COX15: variants seen among roughly 807,000 people sequenced by gnomAD.
The protein encoded by COX15 is heme A synthase COX15.
A neutral mutation model predicts 51.9 loss-of-function variants in COX15; 51 were observed. That is an observed-to-expected ratio of 0.98 (90% CI 0.78 to 1.24). The LOEUF (loss-of-function observed/expected upper bound fraction) is 1.24. COX15 is among the 50% of genes most tolerant of loss of function. The pLI is 0.00. For synonymous variants in COX15, 188 were observed against 190.5 expected (o/e 0.99, Z 0.11); for missense variants, 420 against 501.1 (o/e 0.84, Z 1.55).
chr10:99,718,960 TTC>T (rs2036668020), intron 6 of COX15, among the ~76,000 whole-genome samples: 1 of 152,192 alleles, frequency 6.6e-6, no homozygotes, highest in Non-Finnish European at 1.5e-5. Context: ...CTAGCCCACT[TTC>T]TGTCTCCTGA....
At chr10:99,717,826 T>C (rs991264451) in intron 7 of COX15, among the ~76,000 whole-genome samples, 2 of 152,206 alleles carry the variant, frequency 1.3e-5, no homozygotes, top group African/African-American at 4.8e-5. Flanking sequence ...CTGCTCATCT[T>C]TCCCCGCTCC....
chr10:99,724,248 T>A, intron 4 of COX15, 125 bp from the exon 5 acceptor site: 2 of 1,098,444 alleles, frequency 1.8e-6, no homozygotes, highest in South Asian at 2.6e-5. Context: ...AGTGGCGGGA[T>A]CTTGGCTCAC....
chr10:99,700,802 GAATA>G, the COX15 span: 1 of 666,332 alleles, frequency 1.5e-6, no homozygotes, highest in Non-Finnish European at 2.7e-6. Context: ...GGGATGACGG[GAATA>G]AACAGGGGTA....
At chr10:99,704,496 T>A in the COX15 span, 1 of 1,614,260 alleles carries the variant, frequency 6.2e-7, no homozygotes, top group East Asian at 2.2e-5. Flanking sequence ...GGTAGCTGGT[T>A]CCGTCTCTCC....
the COX15 span, among the ~76,000 whole-genome samples, chr10:99,699,517 C>A: frequency 6.6e-6 from 1 of 152,144 alleles, no homozygotes; most frequent in South Asian, 2.1e-4. Context: ...TGAATTGTTG[C>A]GTGTCTCTAT....
In COX15 at chr10:99,713,401, C is replaced by G. The variant is rs1230381847; in HGVS notation, c.*1186G>C. The G allele has an allele frequency of 6.2e-7, 1 of 1,613,812 alleles. No homozygotes were observed. Among genetic ancestry groups the G allele is most frequent in the Non-Finnish European group, 8.5e-7 (1 of 1,179,996 alleles). On this transcript the variant is annotated 3_prime_UTR_variant, in exon 9 of 9. Coordinates refer to ENST00000016171, the MANE Select transcript of COX15 (RefSeq NM_078470.6). ...CTATTATATTAGCAATATTGGGTTG[C>G]TCCATCCTCAAATCAGATGTTTCTG...
At chr10:99,694,978 A>G in the COX15 span, among the ~76,000 whole-genome samples, 1,189 of 152,340 alleles carry the variant, frequency 7.8e-3, 9 homozygotes, top group Middle Eastern at 0.027. Flanking sequence ...TACATAACAC[A>G]TTAGAATGGT....
the COX15 span, chr10:99,695,852 A>T: frequency 1.9e-6 from 2 of 1,063,812 alleles, no homozygotes; most frequent in Non-Finnish European, 2.7e-6. Context: ...AAGATGTTTT[A>T]AAGAGTAGTC....
Position 99,712,083 on chromosome 10 carries a change from TG to T in COX15, c.*2503del. 1 of 348,162 alleles carries T rather than the reference TG, an allele frequency of 2.9e-6. No individual in the cohort carries two copies. The highest frequency in any genetic ancestry group is 4.0e-6 in the Non-Finnish European group (1 of 247,800). 21.6% of individuals were successfully genotyped at this position (348,162 alleles called of 1,614,324 possible). A position where few individuals can be genotyped will look rare whatever the true frequency, so the allele number is the denominator to read the frequency against. On this transcript the variant is annotated 3_prime_UTR_variant, in exon 9 of 9. Transcript: ENST00000016171. ...CAGAGTGAGAACTCACTCATTACTA[TG>T]GGGATGGCACAAAGTCATACATAAG...
the COX15 span, chr10:99,696,156 A>G: frequency 6.2e-7 from 1 of 1,607,672 alleles, no homozygotes; most frequent in Non-Finnish European, 8.5e-7. Context: ...TTTCTGAAAT[A>G]TAATGTCAGG....
the COX15 span, chr10:99,696,040 A>G: frequency 6.2e-7 from 1 of 1,614,190 alleles, no homozygotes; most frequent in Non-Finnish European, 8.5e-7. Flanking sequence ...GGTTTATGTC[A>G]CAACTTTTCT....
intron 4 of COX15, among the ~76,000 whole-genome samples, chr10:99,725,771 G>C (rs1809469438): frequency 6.6e-6 from 1 of 152,128 alleles, no homozygotes. Flanking sequence ...TGTTGGCCAG[G>C]CTGGTCTGGA....
intron 4 of COX15, 132 bp downstream of exon 4, chr10:99,726,835 GA>G: frequency 1.2e-6 from 1 of 851,766 alleles, no homozygotes; most frequent in Non-Finnish European, 1.8e-6. Context: ...GCAGTGAGCC[GA>G]GATCACGCGC....
At chr10:99,699,506 T>C in the COX15 span, among the ~76,000 whole-genome samples, 1 of 152,324 alleles carries the variant, frequency 6.6e-6, no homozygotes, top group East Asian at 1.9e-4. Context: ...GGCCATCTCT[T>C]TGAATTGTTG....
At position 99,714,318 on chromosome 10, in the gene COX15, T is replaced by TA. The variant is rs1419087202; in HGVS notation, c.*268dup. The TA allele has an allele frequency of 3.2e-6, 4 of 1,243,570 alleles. No homozygotes were observed. The African/African-American group carries it at 6.2e-5, about 19-fold the overall frequency. The allele number at this position is 1,243,570 out of a possible 1,614,324, so 77.0% of individuals were successfully genotyped here. On this transcript the variant is annotated 3_prime_UTR_variant, in exon 9 of 9. Coordinates refer to ENST00000016171, the MANE Select transcript of COX15 (RefSeq NM_078470.6). ...CTGAAAAACCTGACACAAAGCCTGT[T>TA]AAGCAGCAAATGGCAGACATTTCTT...
At chr10:99,698,173 T>G in the COX15 span, among the ~76,000 whole-genome samples, 1 of 152,204 alleles carries the variant, frequency 6.6e-6, no homozygotes, top group Non-Finnish European at 1.5e-5. Context: ...CTACCAGTTG[T>G]ATTTTTAAAC....
intron 5 of COX15, 146 bp downstream of exon 5, chr10:99,723,810 A>C: frequency 1.2e-6 from 1 of 855,782 alleles, no homozygotes; most frequent in South Asian, 1.5e-5. Context: ...CTCCCACTCT[A>C]TTTTTCAATT....
At chr10:99,702,570 C>G in the COX15 span, 7 of 1,612,704 alleles carry the variant, frequency 4.3e-6, no homozygotes, top group Admixed American at 1.2e-4. Context: ...ATTCCACTTT[C>G]CCTATGACTA....
In COX15 at chr10:99,727,122, T is replaced by C; in HGVS notation, c.428A>G (p.Lys143Arg). 1.2e-6 allele frequency: 2 copies of C among 1,614,226 alleles called. No individual in the cohort carries two copies. The highest frequency in any genetic ancestry group is 1.7e-6 in the Non-Finnish European group (2 of 1,180,050). ...LNHDMTLTEF[K>R]FIWYMEYSHR... ...TGAGTACTCCATGTACCAGATGAAC[T>C]TGAATTCTGTCAGTGTCATATCATG... Residue 143 changes from lysine to arginine, a missense_variant, in exon 4 of 9, where the codon AAG becomes AGG. Coordinates refer to ENST00000016171, the MANE Select transcript of COX15 (RefSeq NM_078470.6).
Sources: gnomAD v4.1 joint callset for allele counts (sites outside exome capture counted in the v4.1 genomes callset) on GRCh38, gnomAD v4.1.1 for gene constraint, MANE v1.5 for transcripts, NCBI Gene and HGNC (gene_info 2026-07-23, HGNC 2026-07-21) for gene names.